The following TAFA5 variants were observed in gnomAD, a reference collection of about 807,000 sequenced individuals.
TAFA5 encodes the protein TAFA chemokine like family member 5.
A neutral mutation model predicts 15.3 loss-of-function variants in TAFA5; 6 were observed. The observed-to-expected ratio is 0.39, with a 90% CI of 0.21 to 0.77. TAFA5 has a LOEUF of 0.77. Among genes scored for constraint, TAFA5 ranks in the 30% least tolerant of loss-of-function variants. The pLI, the probability that TAFA5 is intolerant of heterozygous loss-of-function variation, is 0.41. For synonymous variants in TAFA5, 103 were observed against 80.7 expected (o/e 1.28, Z -1.48); for missense variants, 161 against 193.1 (o/e 0.83, Z 0.98).
At chr22:48,659,107 G>A (rs371894687) in intron 2 of TAFA5, among the ~76,000 whole-genome samples, 2 of 152,232 alleles carry the variant, frequency 1.3e-5, no homozygotes, top group Non-Finnish European at 2.9e-5. Flanking sequence ...TGGACCCCGC[G>A]GCGGAGGATC....
At chr22:48,583,393 C>CACACACCACACACA (rs1167354018) in intron 1 of TAFA5, among the ~76,000 whole-genome samples, 2 of 149,158 alleles carry the variant, frequency 1.3e-5, no homozygotes, top group African/African-American at 5.0e-5. Flanking sequence ...CAAAATACAC[C>CACACACCACACACA]ACACACCACA....
intron 3 of TAFA5, among the ~76,000 whole-genome samples, chr22:48,744,646 G>A (rs929474051): frequency 2.0e-5 from 3 of 152,184 alleles, no homozygotes; most frequent in Non-Finnish European, 4.4e-5. Context: ...GTGCTCTTCC[G>A]GCGACACGGT....
intron 1 of TAFA5, among the ~76,000 whole-genome samples, chr22:48,588,615 G>A (rs575672195): frequency 1.3e-5 from 2 of 152,286 alleles, no homozygotes; most frequent in South Asian, 4.1e-4. Flanking sequence ...GCTGGTTTCT[G>A]GGCTATGGTC....
chr22:48,696,518 C>G (rs1479232537), intron 2 of TAFA5, among the ~76,000 whole-genome samples: 1 of 152,212 alleles, frequency 6.6e-6, no homozygotes. Context: ...AGCACTTCCT[C>G]TTTGACCTGC....
chr22:48,576,250 C>T (rs1923790593), intron 1 of TAFA5: 1 of 505,724 alleles, frequency 2.0e-6, no homozygotes, highest in South Asian at 1.0e-4. Flanking sequence ...CCCGCCCCCG[C>T]CCGCCCCCTC....
At chr22:48,723,241 C>T (rs542432791) in intron 3 of TAFA5, among the ~76,000 whole-genome samples, 37 of 152,298 alleles carry the variant, frequency 2.4e-4, no homozygotes, top group African/African-American at 8.2e-4. Context: ...TTCTGCATGC[C>T]ACAGTGGGAA....
intron 1 of TAFA5, among the ~76,000 whole-genome samples, chr22:48,597,378 G>T (rs778163907): frequency 6.9e-6 from 1 of 144,028 alleles, no homozygotes; most frequent in Non-Finnish European, 1.5e-5. Context: ...CACCTGGCCC[G>T]CATCACCTGG....
chr22:48,527,782 G>A (rs544089860), intron 1 of TAFA5, among the ~76,000 whole-genome samples: 59 of 152,346 alleles, frequency 3.9e-4, no homozygotes, highest in African/African-American at 1.4e-3. Flanking sequence ...GGGAGCAGCT[G>A]TGGGTCCGGC....
intron 2 of TAFA5, among the ~76,000 whole-genome samples, chr22:48,666,025 CA>C (rs34899053): frequency 0.31 from 47,254 of 152,002 alleles, 7,748 homozygotes; most frequent in East Asian, 0.55. Flanking sequence ...GGCCTGGCTC[CA>C]GGAGGGTGGG....
intron 1 of TAFA5, among the ~76,000 whole-genome samples, chr22:48,554,916 G>A (rs975052410): frequency 3.3e-5 from 5 of 152,340 alleles, no homozygotes; most frequent in African/African-American, 1.2e-4. Context: ...TCCTGAGAGG[G>A]GGTCCTACGA....
chr22:48,642,372 T>G (rs1406906925), intron 1 of TAFA5, among the ~76,000 whole-genome samples: 1 of 152,180 alleles, frequency 6.6e-6, no homozygotes, highest in Non-Finnish European at 1.5e-5. Flanking sequence ...CAGGCTATCA[T>G]GCCCCACAGG....
chr22:48,626,930 G>C (rs1450998421), intron 1 of TAFA5, among the ~76,000 whole-genome samples: 1 of 152,178 alleles, frequency 6.6e-6, no homozygotes, highest in African/African-American at 2.4e-5. Context: ...AGCTGCTCCA[G>C]CCCCGTGCTG....
chr22:48,568,003 G>A (rs143416040), intron 1 of TAFA5, among the ~76,000 whole-genome samples: 1 of 152,346 alleles, frequency 6.6e-6, no homozygotes, highest in Non-Finnish European at 1.5e-5. Flanking sequence ...GTGCCAGCTG[G>A]GGAGCTTCAG....
chr22:48,525,735 A>G (rs1478886495), intron 1 of TAFA5, among the ~76,000 whole-genome samples: 4 of 151,682 alleles, frequency 2.6e-5, no homozygotes, highest in Non-Finnish European at 5.9e-5. Context: ...AGCCCTGCCT[A>G]CCCGAGCCCT....
chr22:48,707,732 C>G lies in TAFA5; in HGVS notation c.278C>G (p.Thr93Ser). 2.5e-6 allele frequency: 4 copies of G among 1,613,894 alleles called. No homozygotes were observed. Among genetic ancestry groups the G allele is most frequent in the Non-Finnish European group, 3.4e-6 (4 of 1,179,852 alleles). ...PACVDARIIK[T>S]KQWCDMLPCL... ...TCTCCCACAGCAAGAATCATCAAGA[C>G]CAAGCAGTGGTGTGACATGCTTCCG... is the stretch of plus-strand genomic sequence containing the variant. Residue 93 changes from threonine to serine, a missense_variant, in exon 3 of 4, where the codon ACC becomes AGC. Transcript: ENST00000402357.
In TAFA5 at chr22:48,750,736, C is replaced by A. The variant is rs916266610; in HGVS notation, c.*889C>A. On this transcript the variant is annotated 3_prime_UTR_variant, in exon 4 of 4. Transcript: ENST00000402357. ...GGGTCTCCCGTGACTGCTGCCTCAT[C>A]GATACCCCATTTAGCTCCAGAAAGC... 6.5e-6 allele frequency: 1 copy of A among 152,954 alleles called. No individual in the cohort carries two copies. Among genetic ancestry groups the A allele is most frequent in the Non-Finnish European group, 1.5e-5 (1 of 68,144 alleles). 9.5% of individuals were successfully genotyped at this position (152,954 alleles called of 1,614,324 possible).
At chr22:48,729,047 A>AT (rs1431205072) in intron 3 of TAFA5, among the ~76,000 whole-genome samples, 1 of 151,846 alleles carries the variant, frequency 6.6e-6, no homozygotes, top group African/African-American at 2.4e-5. Context: ...TTAAATGTAT[A>AT]TTTTTTCTAG....
At chr22:48,567,642 C>G (rs1923452945) in intron 1 of TAFA5, among the ~76,000 whole-genome samples, 1 of 152,104 alleles carries the variant, frequency 6.6e-6, no homozygotes, top group African/African-American at 2.4e-5. Context: ...TCCCAGCCCC[C>G]TCCTCCTGTC....
At chr22:48,632,967 G>A (rs772473667) in intron 1 of TAFA5, among the ~76,000 whole-genome samples, 13 of 152,162 alleles carry the variant, frequency 8.5e-5, no homozygotes, top group Non-Finnish European at 1.8e-4. Flanking sequence ...TGCACTTCCT[G>A]GGGCTGAGAA....
Sources: gnomAD v4.1 joint callset for allele counts (sites outside exome capture counted in the v4.1 genomes callset) on GRCh38, gnomAD v4.1.1 for gene constraint, MANE v1.5 for transcripts, NCBI Gene and HGNC (gene_info 2026-07-23, HGNC 2026-07-21) for gene names.